Variants in OPCML observed in about 807,000 individuals in gnomAD.
OPCML encodes opioid binding protein/cell adhesion molecule like, also known as opioid-binding protein/cell adhesion molecule.
OPCML carries 13 observed loss-of-function variants against 37.8 expected under a neutral mutation model. The observed-to-expected ratio is 0.34, with a 90% CI of 0.22 to 0.55. OPCML has a LOEUF of 0.55. OPCML is among the 20% of genes least tolerant of loss of function. The pLI, the probability that OPCML is intolerant of heterozygous loss-of-function variation, is 0.91. For missense variants in OPCML, 341 were observed against 435.6 expected, an observed-to-expected ratio of 0.78 and a Z score of 1.93; for synonymous variants, 176 against 168.8, an observed-to-expected ratio of 1.04 and a Z score of -0.33.
intron 4 of OPCML, among the ~76,000 whole-genome samples, chr11:132,472,230 T>C (rs1175210402): frequency 6.6e-6 from 1 of 152,236 alleles, no homozygotes. Context: ...CTAGCTTCCA[T>C]TATTAGACTC....
intron 4 of OPCML, among the ~76,000 whole-genome samples, chr11:132,451,755 C>T (rs1398733427): frequency 1.3e-5 from 2 of 152,086 alleles, no homozygotes; most frequent in African/African-American, 4.8e-5. Context: ...CCCATCAGAA[C>T]CTCATGTAGA....
intron 1 of OPCML, among the ~76,000 whole-genome samples, chr11:133,271,495 C>A (rs1941830930): frequency 6.6e-6 from 1 of 152,076 alleles, no homozygotes; most frequent in African/African-American, 2.4e-5. Flanking sequence ...ATCATCATAG[C>A]CATCAATAAT....
At chr11:132,426,804 G>T (rs2095979101) in intron 7 of OPCML, among the ~76,000 whole-genome samples, 1 of 152,178 alleles carries the variant, frequency 6.6e-6, no homozygotes, top group Non-Finnish European at 1.5e-5. Flanking sequence ...TACCACATAA[G>T]AACGGGGAAT....
At chr11:132,965,023 A>G (rs192654609) in intron 1 of OPCML, among the ~76,000 whole-genome samples, 43 of 152,258 alleles carry the variant, frequency 2.8e-4, no homozygotes, top group Admixed American at 1.0e-3. Context: ...GTCTAATTAG[A>G]CAGTTTGTGT....
At chr11:132,840,444 T>C (rs1941239043) in intron 2 of OPCML, among the ~76,000 whole-genome samples, 1 of 152,130 alleles carries the variant, frequency 6.6e-6, no homozygotes, top group African/African-American at 2.4e-5. Context: ...CTGGGCCCGT[T>C]TTGCTCATTC....
intron 2 of OPCML, among the ~76,000 whole-genome samples, chr11:132,879,218 A>G (rs1440048351): frequency 6.6e-6 from 1 of 152,220 alleles, no homozygotes; most frequent in African/African-American, 2.4e-5. Flanking sequence ...TATGGCAGCC[A>G]TTCTAGGCAC....
At chr11:133,319,647 T>G (rs563821189) in intron 1 of OPCML, among the ~76,000 whole-genome samples, 3 of 152,266 alleles carry the variant, frequency 2.0e-5, no homozygotes, top group African/African-American at 7.2e-5. Flanking sequence ...GTCTGCCACA[T>G]CTTCAATGGC....
intron 1 of OPCML, among the ~76,000 whole-genome samples, chr11:133,525,834 C>A (rs560131936): frequency 1.8e-4 from 27 of 152,200 alleles, no homozygotes; most frequent in Non-Finnish European, 3.4e-4. Flanking sequence ...GTTTCCCATG[C>A]TAAGTGCAAG....
intron 1 of OPCML, among the ~76,000 whole-genome samples, chr11:133,279,564 T>C (rs1171825291): frequency 1.3e-5 from 2 of 152,160 alleles, no homozygotes; most frequent in Non-Finnish European, 2.9e-5. Flanking sequence ...TCCCTGCAGC[T>C]GCAGTTGCCC....
At chr11:133,244,180 G>T (rs1053821735) in intron 1 of OPCML, among the ~76,000 whole-genome samples, 2 of 152,172 alleles carry the variant, frequency 1.3e-5, no homozygotes, top group African/African-American at 2.4e-5. Context: ...AGACTATCCG[G>T]CTTGGAATGC....
At chr11:132,482,330 T>C (rs532578848) in intron 4 of OPCML, among the ~76,000 whole-genome samples, 369 of 151,996 alleles carry the variant, frequency 2.4e-3, no homozygotes, top group Non-Finnish European at 3.6e-3. Context: ...AAGAAATGGA[T>C]AAATTCCTTG....
At chr11:132,969,170 A>AT (rs1241245846) in intron 1 of OPCML, among the ~76,000 whole-genome samples, 1 of 139,900 alleles carries the variant, frequency 7.1e-6, no homozygotes, top group Non-Finnish European at 1.5e-5. Context: ...CATTACCTTC[A>AT]TTTTTTAACG....
chr11:133,529,928 C>T (rs1227646319), intron 1 of OPCML, among the ~76,000 whole-genome samples: 1 of 152,230 alleles, frequency 6.6e-6, no homozygotes, highest in Non-Finnish European at 1.5e-5. Flanking sequence ...CGTTCTTTCA[C>T]CGACACCTTC....
chr11:132,977,470 G>T (rs749853133), intron 1 of OPCML, among the ~76,000 whole-genome samples: 2 of 152,278 alleles, frequency 1.3e-5, no homozygotes, highest in South Asian at 2.1e-4. Context: ...TACTCATATC[G>T]CAGTCACAAA....
chr11:132,439,946 C>T (rs1404027518), intron 4 of OPCML, among the ~76,000 whole-genome samples: 2 of 152,102 alleles, frequency 1.3e-5, no homozygotes, highest in Non-Finnish European at 2.9e-5. Context: ...TGGACCTCAG[C>T]CAGATGCCTT....
intron 3 of OPCML, among the ~76,000 whole-genome samples, chr11:132,593,080 T>A (rs372594232): frequency 2.0e-5 from 3 of 152,188 alleles, no homozygotes; most frequent in African/African-American, 7.2e-5. Flanking sequence ...TAAAAGACTA[T>A]AAAGGAGTAT....
intron 2 of OPCML, among the ~76,000 whole-genome samples, chr11:132,908,805 G>A (rs541384054): frequency 6.6e-6 from 1 of 152,362 alleles, no homozygotes; most frequent in East Asian, 1.9e-4. Context: ...AGGAGCCTCA[G>A]ACAGGAGTCT....
At chr11:133,329,642 A>G (rs1592207058) in intron 1 of OPCML, among the ~76,000 whole-genome samples, 1 of 152,242 alleles carries the variant, frequency 6.6e-6, no homozygotes, top group East Asian at 1.9e-4. Flanking sequence ...CATATGTAGA[A>G]AGCTGAAACT....
chr11:132,704,975 A>G (rs1233927568), intron 2 of OPCML, among the ~76,000 whole-genome samples: 2 of 152,236 alleles, frequency 1.3e-5, no homozygotes, highest in South Asian at 2.1e-4. Flanking sequence ...GAAGTATGCA[A>G]ACAAGGCTGG....
Sources: allele counts gnomAD v4.1 joint callset (sites outside exome capture counted in the v4.1 genomes callset), GRCh38; gene constraint gnomAD v4.1.1; transcripts MANE v1.5; gene names NCBI Gene and HGNC (gene_info 2026-07-23, HGNC 2026-07-21).